The following NBEA variants were observed in gnomAD, a reference collection of about 807,000 sequenced individuals.
NBEA encodes neurobeachin, also known as lysosomal-trafficking regulator 2.
In NBEA, 44 loss-of-function variants were observed where a neutral mutation model predicts 343.4. That is an observed-to-expected ratio of 0.13 (90% CI 0.10 to 0.16). The LOEUF is 0.16. Ranked by LOEUF, NBEA falls within the 10% of genes least tolerant of loss-of-function variation. NBEA has a pLI of 1.00. For synonymous variants in NBEA, 1,175 were observed against 1,238.7 expected, an observed-to-expected ratio of 0.95 and a Z score of 1.08; for missense variants, 2,555 against 3,631.3, an observed-to-expected ratio of 0.70 and a Z score of 7.62.
rs190583854 is a variant in NBEA at position 34,990,610 on chromosome 13, G to T, written c.294+47496G>T. ...TCTTCCCTTAGGCCTCTGGGCCTTTGATTGGAGGGGCTGCGGGAAAGCCTT... is the reference window on the plus strand; with the variant it reads ...TCTTCCCTTAGGCCTCTGGGCCTTTTATTGGAGGGGCTGCGGGAAAGCCTT... On this transcript the variant is annotated intron_variant, in intron 1 of 58. Transcript: ENST00000379939. 3.0e-3 allele frequency among the ~76,000 whole-genome samples: 454 copies of T among 150,574 alleles called. 7 individuals are homozygous for T. The highest frequency in any genetic ancestry group is 0.01 in the African/African-American group (432 of 41,422).
intron 1 of NBEA, among the ~76,000 whole-genome samples, chr13:35,010,726 C>CAAAAAAAA (rs769896169): frequency 3.1e-4 from 3 of 9,698 alleles, no homozygotes; most frequent in South Asian, 0.014. Context: ...TGGGTCTCTA[C>CAAAAAAAA]AAAAAAAAAA....
intron 11 of NBEA, among the ~76,000 whole-genome samples, chr13:35,104,350 A>G (rs1192666506): frequency 1.3e-5 from 2 of 151,844 alleles, no homozygotes; most frequent in African/African-American, 4.8e-5. Context: ...ATTTTTTACT[A>G]ATTTTCTGCC....
intron 48 of NBEA, among the ~76,000 whole-genome samples, chr13:35,622,494 C>T (rs2083036024): frequency 6.6e-6 from 1 of 152,106 alleles, no homozygotes; most frequent in African/African-American, 2.4e-5. Flanking sequence ...AATCTTCTGT[C>T]TTATACATCC....
intron 55 of NBEA, among the ~76,000 whole-genome samples, chr13:35,659,118 C>G (rs1276012214): frequency 1.3e-5 from 2 of 152,154 alleles, no homozygotes; most frequent in Non-Finnish European, 2.9e-5. Context: ...CTAGTTATGT[C>G]TAAATTTGTA....
chr13:35,558,622 A>G (rs2079700711), intron 44 of NBEA, among the ~76,000 whole-genome samples: 1 of 152,176 alleles, frequency 6.6e-6, no homozygotes, highest in Non-Finnish European at 1.5e-5. Flanking sequence ...GACCTGCACT[A>G]TTACCTTGGA....
chr13:35,124,250 CTTGTTT>C (rs2066954838), intron 17 of NBEA, among the ~76,000 whole-genome samples: 1 of 144,974 alleles, frequency 6.9e-6, no homozygotes, highest in Non-Finnish European at 1.5e-5. Flanking sequence ...CATTTTCGCC[CTTGTTT>C]TTTTTTTTTT....
At position 35,067,038 on chromosome 13, in the gene NBEA, G is replaced by A. The variant is rs549645013; in HGVS notation, c.1240-2870G>A. ...TTTTATCCTAGTGAGTTATATAAAT[G>A]TTACTTCTATAGAGCTCTATTTGTT... On this transcript the variant is annotated intron_variant, in intron 8 of 58. Transcript: ENST00000379939. Among the ~76,000 whole-genome samples the A allele has an allele frequency of 3.3e-5, 5 of 151,996 alleles. No individual in the cohort carries two copies. In the East Asian group the frequency reaches 9.7e-4, roughly 29 times the overall value.
intron 1 of NBEA, among the ~76,000 whole-genome samples, chr13:34,982,124 T>C (rs1380606016): frequency 6.6e-6 from 1 of 152,164 alleles, no homozygotes; most frequent in East Asian, 1.9e-4. Context: ...GTTTTCTTTG[T>C]TCTTTGATTA....
intron 16 of NBEA, among the ~76,000 whole-genome samples, chr13:35,120,917 G>C (rs1041619491): frequency 1.3e-5 from 2 of 152,016 alleles, no homozygotes; most frequent in Non-Finnish European, 2.9e-5. Flanking sequence ...CACATCCCTA[G>C]GTATGTAGAT....
At chr13:35,007,626 G>A (rs2061360645) in intron 1 of NBEA, among the ~76,000 whole-genome samples, 1 of 152,068 alleles carries the variant, frequency 6.6e-6, no homozygotes, top group Non-Finnish European at 1.5e-5. Context: ...TGAATAGCTG[G>A]GACTACAGGT....
intron 41 of NBEA, among the ~76,000 whole-genome samples, chr13:35,480,671 CCTT>C (rs2076088757): frequency 2.0e-5 from 3 of 151,810 alleles, no homozygotes; most frequent in Admixed American, 2.0e-4. Context: ...TTTCTTTCCC[CCTT>C]CTTTTTTTTT....
intron 1 of NBEA, among the ~76,000 whole-genome samples, chr13:34,957,874 A>G (rs900674813): frequency 1.3e-5 from 2 of 152,076 alleles, no homozygotes; most frequent in Non-Finnish European, 2.9e-5. Flanking sequence ...GAGTCTATTT[A>G]TAGCTTTATT....
intron 1 of NBEA, among the ~76,000 whole-genome samples, chr13:34,945,911 C>G (rs896571885): frequency 1.4e-4 from 21 of 152,074 alleles, no homozygotes; most frequent in Non-Finnish European, 2.6e-4. Context: ...AGAGCGGTGG[C>G]TGTAATTTTT....
At chr13:35,019,738 TTA>T (rs1290519145) in intron 1 of NBEA, among the ~76,000 whole-genome samples, 7 of 152,196 alleles carry the variant, frequency 4.6e-5, no homozygotes, top group African/African-American at 1.7e-4. Context: ...CTTTGGTAGT[TTA>T]TGTCACTCAA....
Position 35,550,544 on chromosome 13 carries a change from G to A in NBEA, c.6653G>A (p.Arg2218Lys), listed in dbSNP as rs1248787450. 2 of 1,613,414 alleles carry A rather than the reference G, an allele frequency of 1.2e-6. No homozygotes were observed. The highest frequency in any genetic ancestry group is 1.7e-6 in the Non-Finnish European group (2 of 1,179,532). Residue 2218 changes from arginine to lysine, a missense_variant, in exon 42 of 59, where the codon AGA (arginine) becomes AAA (lysine). Arg to Lys is a conservative substitution (Grantham distance 26). Transcript: ENST00000379939. ...AGCGAGATACGAGCTGTATTTTCAAGACGTTACCTTCTACAAAACACTGCT... is the reference window on the plus strand; with the variant it reads ...AGCGAGATACGAGCTGTATTTTCAAAACGTTACCTTCTACAAAACACTGCT... ...MFSEIRAVFS[R>K]RYLLQNTALE...
At chr13:35,624,359 A>T (rs1298423934) in intron 48 of NBEA, among the ~76,000 whole-genome samples, 1 of 152,186 alleles carries the variant, frequency 6.6e-6, no homozygotes, top group African/African-American at 2.4e-5. Flanking sequence ...AATAAACTTA[A>T]CCAAGAACAC....
chr13:35,313,524 T>A (rs1423518379), intron 36 of NBEA, among the ~76,000 whole-genome samples: 1 of 152,206 alleles, frequency 6.6e-6, no homozygotes, highest in African/African-American at 2.4e-5. Flanking sequence ...AGAGGATTTT[T>A]AAGTTAGTAC....
In NBEA at chr13:35,158,632, A is replaced by G. The variant is rs117100914; in HGVS notation, c.2845-384A>G. Among the ~76,000 whole-genome samples the G allele has an allele frequency of 3.3e-5, 5 of 152,250 alleles. No homozygotes were observed. In the East Asian group the frequency reaches 9.6e-4, roughly 29 times the overall value. On this transcript the variant is annotated intron_variant, in intron 21 of 58. Transcript: ENST00000379939. ...TATGAGCAATAGATGGTGAAAACCA[A>G]CATAGTAATAGTACTTTGGTTATTG...
chr13:34,942,867 C>A lies in NBEA; in HGVS notation c.47C>A (p.Pro16His). 7.1e-7 allele frequency: 1 copy of A among 1,409,722 alleles called. No individual in the cohort carries two copies. The highest frequency in any genetic ancestry group is 9.3e-7 in the Non-Finnish European group (1 of 1,072,094). 87.3% of individuals were successfully genotyped at this position (1,409,722 alleles called of 1,614,324 possible). A position where few individuals can be genotyped will look rare whatever the true frequency, so the allele number is the denominator to read the frequency against. ...CCGGGCCCGGGGCTCGAGCCTCAGC[C>A]CGTGGGGCTCATTGCCGTCGGGGCC... The part of the protein sequence containing the change: ...PGPGPGLEPQ[P>H]VGLIAVGAAG... Residue 16 changes from proline to histidine, a missense_variant, in exon 1 of 59, where the codon CCC (proline) becomes CAC (histidine). Physicochemically the swap from Pro to His is moderately conservative, Grantham distance 77. Coordinates refer to ENST00000379939, the MANE Select transcript of NBEA (RefSeq NM_001385012.1).
Sources: allele counts gnomAD v4.1 joint callset (sites outside exome capture counted in the v4.1 genomes callset), GRCh38; gene constraint gnomAD v4.1.1; transcripts MANE v1.5; gene names NCBI Gene and HGNC (gene_info 2026-07-23, HGNC 2026-07-21).